Variants in WDFY2 observed in about 807,000 individuals in gnomAD.
WDFY2 encodes WD repeat and FYVE domain containing 2.
A neutral mutation model predicts 56.4 loss-of-function variants in WDFY2; 36 were observed. That is an observed-to-expected ratio of 0.64 (90% CI 0.49 to 0.84). The LOEUF (loss-of-function observed/expected upper bound fraction) is 0.84, where lower values mean the gene tolerates loss of function less well. Ranked by LOEUF, WDFY2 falls within the 40% of genes least tolerant of loss-of-function variation. The pLI is 0.00. For synonymous variants in WDFY2, 176 were observed against 183.7 expected (o/e 0.96, Z 0.34); for missense variants, 444 against 512.2 (o/e 0.87, Z 1.29).
intron 1 of WDFY2, among the ~76,000 whole-genome samples, chr13:51,649,401 T>C (rs1289566969): frequency 5.3e-5 from 8 of 151,592 alleles, no homozygotes; most frequent in Admixed American, 5.2e-4. Flanking sequence ...AAGGACACTT[T>C]CCCTGCATTT....
At chr13:51,706,264 A>C (rs1235239751) in intron 4 of WDFY2, among the ~76,000 whole-genome samples, 1 of 152,220 alleles carries the variant, frequency 6.6e-6, no homozygotes, top group Admixed American at 6.5e-5. Flanking sequence ...GATACAAATA[A>C]AAAAATTTCT....
At chr13:51,609,631 C>A in intron 1 of WDFY2, among the ~76,000 whole-genome samples, 1 of 93,924 alleles carries the variant, frequency 1.1e-5, no homozygotes, top group Non-Finnish European at 2.0e-5. Flanking sequence ...CCCAAAAAAC[C>A]AGGTTAACAT....
At chr13:51,632,747 A>G (rs969809789) in intron 1 of WDFY2, among the ~76,000 whole-genome samples, 4 of 152,198 alleles carry the variant, frequency 2.6e-5, no homozygotes, top group Admixed American at 6.5e-5. Context: ...TAAATGTACA[A>G]ACTTGTCTTG....
At chr13:51,665,634 A>G (rs1955686635) in intron 2 of WDFY2, among the ~76,000 whole-genome samples, 1 of 152,166 alleles carries the variant, frequency 6.6e-6, no homozygotes, top group African/African-American at 2.4e-5. Context: ...TTCTTACTCT[A>G]TCAGAGGATT....
chr13:51,724,115 AAAT>A (rs1346955949), intron 5 of WDFY2, among the ~76,000 whole-genome samples: 1 of 151,388 alleles, frequency 6.6e-6, no homozygotes, highest in African/African-American at 2.4e-5. Flanking sequence ...GGTTGTTTTT[AAAT>A]AATAATATGT....
At chr13:51,731,232 C>A (rs1442237788) in intron 6 of WDFY2, among the ~76,000 whole-genome samples, 1 of 152,148 alleles carries the variant, frequency 6.6e-6, no homozygotes, top group Non-Finnish European at 1.5e-5. Flanking sequence ...CAGGCACTCA[C>A]CCACTCACTG....
chr13:51,588,867 C>A (rs1254121290), intron 1 of WDFY2: 1 of 152,040 alleles, frequency 6.6e-6, no homozygotes, highest in African/African-American at 2.4e-5. Context: ...TTTCAGGGTT[C>A]TTTTTCTGGA....
At chr13:51,660,775 A>G in intron 2 of WDFY2, 112 bp downstream of exon 2, 1 of 867,154 alleles carries the variant, frequency 1.2e-6, no homozygotes, top group Admixed American at 2.2e-5. Flanking sequence ...CATTATAATG[A>G]AAAGTACCAT....
At chr13:51,594,367 G>T (rs1954106810) in intron 1 of WDFY2, among the ~76,000 whole-genome samples, 1 of 152,116 alleles carries the variant, frequency 6.6e-6, no homozygotes, top group South Asian at 2.1e-4. Flanking sequence ...TATTTCATTA[G>T]GTGGCATAAT....
chr13:51,623,389 GA>G (rs1462969031), intron 1 of WDFY2, among the ~76,000 whole-genome samples: 3 of 152,106 alleles, frequency 2.0e-5, no homozygotes, highest in Non-Finnish European at 1.5e-5. Context: ...ACAGGGATGT[GA>G]AAGAACAGTG....
intron 1 of WDFY2, among the ~76,000 whole-genome samples, chr13:51,654,986 G>T (rs994685374): frequency 6.6e-6 from 1 of 151,994 alleles, no homozygotes; most frequent in Non-Finnish European, 1.5e-5. Flanking sequence ...GTGTTTTGGG[G>T]GCTGTAATTT....
intron 1 of WDFY2, among the ~76,000 whole-genome samples, chr13:51,621,413 G>T (rs1373379655): frequency 6.6e-6 from 1 of 152,156 alleles, no homozygotes; most frequent in Non-Finnish European, 1.5e-5. Context: ...GCTGAGGCAG[G>T]AGAATCGCTT....
intron 4 of WDFY2, among the ~76,000 whole-genome samples, chr13:51,710,970 C>T (rs1239242168): frequency 2.0e-5 from 3 of 152,060 alleles, no homozygotes; most frequent in African/African-American, 4.8e-5. Flanking sequence ...AAAAAGAGCC[C>T]GCATTGCCAA....
intron 1 of WDFY2, chr13:51,586,782 T>C (rs1953946168): frequency 6.6e-6 from 1 of 152,202 alleles, no homozygotes; most frequent in African/African-American, 2.4e-5. Context: ...TAGAAATTAT[T>C]TTGTCATGGA....
chr13:51,641,774 C>T (rs1955167272), intron 1 of WDFY2, among the ~76,000 whole-genome samples: 2 of 135,290 alleles, frequency 1.5e-5, no homozygotes, highest in Admixed American at 8.6e-5. Context: ...TGCAGTGAGC[C>T]GAGATCCCGC....
chr13:51,694,030 T>G (rs562271690), intron 3 of WDFY2, among the ~76,000 whole-genome samples: 7 of 152,258 alleles, frequency 4.6e-5, no homozygotes, highest in East Asian at 3.9e-4. Context: ...GTTTTCCATT[T>G]GCTTGATAGA....
chr13:51,690,059 ATTTT>A (rs1416810112), intron 3 of WDFY2, among the ~76,000 whole-genome samples: 1 of 151,962 alleles, frequency 6.6e-6, no homozygotes, highest in African/African-American at 2.4e-5. Flanking sequence ...TTTTCACTAA[ATTTT>A]TTGTTTTGGA....
At chr13:51,646,603 G>A (rs750213505) in intron 1 of WDFY2, among the ~76,000 whole-genome samples, 1 of 152,188 alleles carries the variant, frequency 6.6e-6, no homozygotes, top group Non-Finnish European at 1.5e-5. Context: ...CCTAGTAGGT[G>A]TTTGATAAAT....
In WDFY2 at chr13:51,761,441, C is replaced by T. The variant is rs1953579041; in HGVS notation, c.*1672C>T. On this transcript the variant is annotated 3_prime_UTR_variant, in exon 12 of 12. Transcript: ENST00000298125. ...TTTACACGCACAGCTCATTCAACCT[C>T]ACGTGTCGGGAGCATCAGGGAGCTC... The T allele has an allele frequency of 6.6e-6, 1 of 152,240 alleles. No individual in the cohort carries two copies. Among genetic ancestry groups the T allele is most frequent in the Non-Finnish European group, 1.5e-5 (1 of 68,046 alleles). 9.4% of individuals were successfully genotyped at this position (152,240 alleles called of 1,614,324 possible).
Sources: gnomAD v4.1 joint callset for allele counts (sites outside exome capture counted in the v4.1 genomes callset) on GRCh38, gnomAD v4.1.1 for gene constraint, MANE v1.5 for transcripts, NCBI Gene and HGNC (gene_info 2026-07-23, HGNC 2026-07-21) for gene names.